The following USP53 variants were observed in gnomAD, a reference collection of about 807,000 sequenced individuals.
The protein encoded by USP53 is ubiquitin specific peptidase 53.
In USP53, 71 loss-of-function variants were observed where a neutral mutation model predicts 94.9. The observed-to-expected ratio is 0.75, with a 90% confidence interval of 0.62 to 0.91. The LOEUF (loss-of-function observed/expected upper bound fraction) is 0.91, where lower values mean the gene tolerates loss of function less well. USP53 is among the 40% of genes least tolerant of loss of function. USP53 has a pLI of 0.00. For synonymous variants in USP53, 375 were observed against 422.7 expected (o/e 0.89, Z 1.39); for missense variants, 1,173 against 1,281.0 (o/e 0.92, Z 1.29).
At chr4:119,249,659 T>TA (rs1748699818) in intron 7 of USP53, among the ~76,000 whole-genome samples, 2 of 103,916 alleles carry the variant, frequency 1.9e-5, no homozygotes, top group Non-Finnish European at 3.9e-5. Context: ...ATTTATGTCC[T>TA]ATTTTTTTTT....
intron 17 of USP53, among the ~76,000 whole-genome samples, chr4:119,285,692 T>TA: frequency 6.6e-6 from 1 of 152,102 alleles, no homozygotes; most frequent in East Asian, 1.9e-4. Flanking sequence ...TTCTCTAAGA[T>TA]GTTTTTGGCA....
chr4:119,249,289 G>T (rs1158797804), intron 7 of USP53, among the ~76,000 whole-genome samples: 5 of 152,044 alleles, frequency 3.3e-5, no homozygotes, highest in African/African-American at 1.2e-4. Context: ...GTGGGATTTT[G>T]GTGGGTAACA....
At chr4:119,261,648 C>A in intron 11 of USP53, 67 bp from the exon 12 acceptor site, 1 of 1,270,102 alleles carries the variant, frequency 7.9e-7, no homozygotes, top group Non-Finnish European at 1.1e-6. Context: ...AGACATGATT[C>A]ATCTAATTAT....
intron 17 of USP53, among the ~76,000 whole-genome samples, chr4:119,279,927 C>T (rs573393356): frequency 6.6e-6 from 1 of 152,342 alleles, no homozygotes; most frequent in South Asian, 2.1e-4. Context: ...CTCGTGCTTC[C>T]CAGGTGAGGC....
rs878921744 is a variant in USP53 at position 119,293,378 on chromosome 4, G to C, written c.*167G>C. On this transcript the variant is annotated 3_prime_UTR_variant, in exon 19 of 19. Transcript: ENST00000692078. ...AATAGGAACCTACTGACCAAACCTA[G>C]TGATACATAAAATTAAAGCCTGTGG... 6 of 714,614 alleles carry C rather than the reference G, an allele frequency of 8.4e-6. No individual in the cohort carries two copies. In the South Asian group the frequency reaches 1.4e-4, roughly 17 times the overall value. The allele number at this position is 714,614 out of a possible 1,614,324, so 44.3% of individuals were successfully genotyped here.
In USP53 at chr4:119,294,817, A is replaced by G. The variant is rs921836613; in HGVS notation, c.*1606A>G. The G allele has an allele frequency of 6.6e-6, 1 of 152,158 alleles. No homozygotes were observed. The highest frequency in any genetic ancestry group is 1.5e-5 in the Non-Finnish European group (1 of 67,978). 9.4% of individuals were successfully genotyped at this position (152,158 alleles called of 1,614,324 possible). On this transcript the variant is annotated 3_prime_UTR_variant, in exon 19 of 19. Coordinates refer to ENST00000692078, the MANE Select transcript of USP53 (RefSeq NM_001371395.1). ...CCTTTTTAAACTATAATAGTGAGTG[A>G]TCATTACTTTATATTCTCGTAAGTT...
chr4:119,280,513 A>G (rs1338693262), intron 17 of USP53, among the ~76,000 whole-genome samples: 1 of 152,172 alleles, frequency 6.6e-6, no homozygotes, highest in African/African-American at 2.4e-5. Flanking sequence ...ATAGGCATAA[A>G]AAGAGAATGG....
chr4:119,250,801 A>G (rs1578475566), intron 7 of USP53, among the ~76,000 whole-genome samples: 1 of 152,222 alleles, frequency 6.6e-6, no homozygotes, highest in South Asian at 2.1e-4. Context: ...CAATATTTAT[A>G]TGAAATTCAC....
chr4:119,224,526 G>T (rs1578413937), intron 3 of USP53, among the ~76,000 whole-genome samples: 1 of 152,232 alleles, frequency 6.6e-6, no homozygotes, highest in Non-Finnish European at 1.5e-5. Flanking sequence ...TGGAGTTAGG[G>T]AGGGAGGTTA....
intron 15 of USP53, 164 bp from the exon 16 acceptor site, chr4:119,271,132 G>A (rs1317361790): frequency 6.0e-6 from 5 of 828,940 alleles, no homozygotes; most frequent in Non-Finnish European, 7.3e-6. Context: ...CATACACAAG[G>A]ACTGGAAAAT....
intron 2 of USP53, among the ~76,000 whole-genome samples, chr4:119,216,593 G>A (rs929587950): frequency 7.9e-5 from 12 of 152,054 alleles, no homozygotes; most frequent in Non-Finnish European, 1.8e-4. Context: ...ATTCTGTGGT[G>A]AAAATCCACT....
intron 7 of USP53, among the ~76,000 whole-genome samples, chr4:119,254,508 G>A (rs1403974478): frequency 1.3e-5 from 2 of 152,106 alleles, no homozygotes; most frequent in African/African-American, 4.8e-5. Flanking sequence ...CTGCATGATT[G>A]AATCGGCTAC....
intron 2 of USP53, among the ~76,000 whole-genome samples, chr4:119,214,897 G>A (rs1397053242): frequency 1.3e-5 from 2 of 152,170 alleles, no homozygotes; most frequent in Non-Finnish European, 2.9e-5. Flanking sequence ...GTAGGAGGGG[G>A]TACATTGCTT....
chr4:119,237,463 C>T (rs1279509684), intron 4 of USP53, among the ~76,000 whole-genome samples: 1 of 151,832 alleles, frequency 6.6e-6, no homozygotes, highest in Non-Finnish European at 1.5e-5. Flanking sequence ...GCTTCTGGGT[C>T]GGGGTTTTGT....
chr4:119,236,804 G>A (rs1367943376), intron 4 of USP53, among the ~76,000 whole-genome samples: 1 of 152,120 alleles, frequency 6.6e-6, no homozygotes, highest in Non-Finnish European at 1.5e-5. Context: ...ATTCATAAGT[G>A]TTGGAATCAT....
intron 17 of USP53, among the ~76,000 whole-genome samples, chr4:119,287,029 A>G (rs1474638926): frequency 6.6e-6 from 1 of 152,056 alleles, no homozygotes. Flanking sequence ...AGGGAAAGAT[A>G]AGATTTGTCT....
intron 17 of USP53, 22 bp from the exon 18 acceptor site, chr4:119,291,143 T>TAG: frequency 1.3e-6 from 1 of 747,564 alleles, no homozygotes. Context: ...TCATCTCTTC[T>TAG]CCCCACCCCA....
intron 15 of USP53, 142 bp downstream of exon 15, chr4:119,269,979 C>A (rs1190899271): frequency 8.6e-6 from 2 of 232,344 alleles, no homozygotes; most frequent in East Asian, 2.6e-4. Context: ...AATATATATA[C>A]CTATATCTAA....
intron 6 of USP53, among the ~76,000 whole-genome samples, chr4:119,246,064 G>A (rs899567041): frequency 3.3e-5 from 5 of 152,188 alleles, no homozygotes; most frequent in Non-Finnish European, 7.3e-5. Flanking sequence ...TATGGGTGGC[G>A]ATGGCAGGAG....
Sources: gnomAD v4.1 joint callset for allele counts (sites outside exome capture counted in the v4.1 genomes callset) on GRCh38, gnomAD v4.1.1 for gene constraint, MANE v1.5 for transcripts, NCBI Gene and HGNC (gene_info 2026-07-23, HGNC 2026-07-21) for gene names.